Variants in EXOC4 observed in about 807,000 individuals in gnomAD.
EXOC4 encodes the protein exocyst complex component 4, also known as SEC8-like 1.
A neutral mutation model predicts 107.2 loss-of-function variants in EXOC4; 71 were observed. The observed-to-expected ratio is 0.66, with a 90% CI of 0.55 to 0.81. The LOEUF (loss-of-function observed/expected upper bound fraction) is 0.81. EXOC4 is among the 30% of genes least tolerant of loss of function. EXOC4 has a pLI of 0.00. For synonymous variants in EXOC4, 456 were observed against 441.2 expected (o/e 1.03, Z -0.42); for missense variants, 1,108 against 1,189.6 (o/e 0.93, Z 1.01).
intron 11 of EXOC4, among the ~76,000 whole-genome samples, chr7:133,829,321 G>T (rs1225756718): frequency 6.6e-6 from 1 of 152,162 alleles, no homozygotes; most frequent in Non-Finnish European, 1.5e-5. Flanking sequence ...TTTAGAGAAG[G>T]TGCATGTTCA....
chr7:133,579,615 A>T (rs989749622), intron 9 of EXOC4, among the ~76,000 whole-genome samples: 2 of 152,140 alleles, frequency 1.3e-5, no homozygotes, highest in East Asian at 3.9e-4. Context: ...AACTGAAGCC[A>T]TATCCATTAA....
chr7:133,820,315 TA>T (rs778071248), intron 11 of EXOC4, among the ~76,000 whole-genome samples: 3 of 152,114 alleles, frequency 2.0e-5, no homozygotes, highest in Non-Finnish European at 2.9e-5. Context: ...AGGAGATGGT[TA>T]TTTTTTTTTC....
At chr7:133,549,739 G>A (rs1171475196) in intron 9 of EXOC4, among the ~76,000 whole-genome samples, 2 of 152,094 alleles carry the variant, frequency 1.3e-5, no homozygotes, top group African/African-American at 4.8e-5. Context: ...CAAAAAACAT[G>A]TGCTGGTACA....
rs181923400 is a variant in EXOC4, at chr7:133,413,336, C to T, written c.1182+38334C>T. The stretch of plus-strand genomic sequence containing the variant: ...TTAGTGCCTAAATCCAAAGGACTTA[C>T]CAGGGGGCATTCTTAATTAACTGTA... On this transcript the variant is annotated intron_variant, in intron 7 of 17. Coordinates refer to ENST00000253861, the MANE Select transcript of EXOC4 (RefSeq NM_021807.4). Among the ~76,000 whole-genome samples the T allele has an allele frequency of 8.7e-5, 13 of 148,628 alleles. 1 individual carries two copies. The East Asian group carries it at 2.5e-3, about 29-fold the overall frequency.
At chr7:133,445,470 G>A (rs964982203) in intron 7 of EXOC4, among the ~76,000 whole-genome samples, 31 of 152,128 alleles carry the variant, frequency 2.0e-4, no homozygotes, top group African/African-American at 7.5e-4. Flanking sequence ...TAGAATCCAA[G>A]GCTTTGATTC....
chr7:134,070,924 G>A (rs1008989128), downstream of EXOC4, among the ~76,000 whole-genome samples: 2 of 152,168 alleles, frequency 1.3e-5, no homozygotes, highest in Admixed American at 6.5e-5. Context: ...AGAAAACCCA[G>A]CAATCTTCTC....
At chr7:133,256,110 T>C (rs1795012219) in intron 1 of EXOC4, among the ~76,000 whole-genome samples, 3 of 151,894 alleles carry the variant, frequency 2.0e-5, no homozygotes, top group South Asian at 2.1e-4. Context: ...ACCTCCCGAG[T>C]AGCTGGGACT....
intron 10 of EXOC4, among the ~76,000 whole-genome samples, chr7:133,734,127 T>C (rs1368503253): frequency 5.3e-5 from 8 of 152,198 alleles, no homozygotes; most frequent in Non-Finnish European, 1.2e-4. Context: ...ATAGCGCCTC[T>C]GGCAGATCAA....
rs548659600 is a variant in EXOC4 at position 133,474,322 on chromosome 7, T to G, written c.1183-1006T>G. ...TTGGCAGTAGTAGATTTTTTAACTT[T>G]TTAATTTTTTTGAGACGGAGTCTCA... On this transcript the variant is annotated intron_variant, in intron 7 of 17. Coordinates refer to ENST00000253861, the MANE Select transcript of EXOC4 (RefSeq NM_021807.4). Among the ~76,000 whole-genome samples, 18 of 152,256 alleles carry G rather than the reference T, an allele frequency of 1.2e-4. No individual in the cohort carries two copies. In the South Asian group the frequency reaches 2.7e-3, roughly 23 times the overall value.
intron 10 of EXOC4, among the ~76,000 whole-genome samples, chr7:133,726,666 C>T (rs1033666884): frequency 2.6e-5 from 4 of 152,202 alleles, no homozygotes; most frequent in African/African-American, 9.7e-5. Flanking sequence ...CTCTTGAAAT[C>T]TTATCCCTCT....
intron 12 of EXOC4, among the ~76,000 whole-genome samples, chr7:133,911,904 A>G (rs1799704164): frequency 6.6e-6 from 1 of 152,178 alleles, no homozygotes; most frequent in African/African-American, 2.4e-5. Flanking sequence ...CTTTCTAGAT[A>G]TGAGTGGTGA....
intron 7 of EXOC4, among the ~76,000 whole-genome samples, chr7:133,457,469 G>A (rs1005141025): frequency 6.6e-6 from 1 of 152,190 alleles, no homozygotes; most frequent in Non-Finnish European, 1.5e-5. Context: ...AGCAAGTGCA[G>A]TATATAGCTC....
chr7:133,367,377 G>C (rs942000856), intron 6 of EXOC4, among the ~76,000 whole-genome samples: 5 of 152,152 alleles, frequency 3.3e-5, no homozygotes, highest in African/African-American at 1.2e-4. Flanking sequence ...GTGTTTCAAG[G>C]AGGCACAAGT....
intron 14 of EXOC4, among the ~76,000 whole-genome samples, chr7:133,947,915 T>G (rs909310560): frequency 6.6e-6 from 1 of 152,074 alleles, no homozygotes; most frequent in Non-Finnish European, 1.5e-5. Context: ...CAACAAGATA[T>G]GAAAGAATCT....
At chr7:133,860,811 G>A (rs888363102) in intron 11 of EXOC4, among the ~76,000 whole-genome samples, 13 of 152,070 alleles carry the variant, frequency 8.5e-5, no homozygotes, top group Admixed American at 8.5e-4. Context: ...CCACATACAT[G>A]CATGATGTCA....
At chr7:134,077,228 G>T in the EXOC4 span, among the ~76,000 whole-genome samples, 4 of 152,138 alleles carry the variant, frequency 2.6e-5, no homozygotes, top group Non-Finnish European at 5.9e-5. Flanking sequence ...AGAACCAAGA[G>T]CTCCAATGTT....
intron 7 of EXOC4, among the ~76,000 whole-genome samples, chr7:133,438,394 C>A (rs1368372057): frequency 6.6e-6 from 1 of 152,086 alleles, no homozygotes; most frequent in Non-Finnish European, 1.5e-5. Flanking sequence ...TCCTTGCCAT[C>A]TTGATTTTGT....
At chr7:133,640,912 G>A (rs961171775) in intron 10 of EXOC4, among the ~76,000 whole-genome samples, 1 of 151,792 alleles carries the variant, frequency 6.6e-6, no homozygotes, top group African/African-American at 2.4e-5. Flanking sequence ...GTGTTGCCCA[G>A]GCTGGAGTGC....
At chr7:133,449,215 C>T (rs747396535) in intron 7 of EXOC4, among the ~76,000 whole-genome samples, 11 of 152,090 alleles carry the variant, frequency 7.2e-5, no homozygotes, top group African/African-American at 1.2e-4. Flanking sequence ...TTGTACATGC[C>T]GTAGAACGCC....
Sources: allele counts gnomAD v4.1 joint callset (sites outside exome capture counted in the v4.1 genomes callset), GRCh38; gene constraint gnomAD v4.1.1; transcripts MANE v1.5; gene names NCBI Gene and HGNC (gene_info 2026-07-23, HGNC 2026-07-21).